The following LMNTD1 variants were observed in gnomAD, a reference collection of about 807,000 sequenced individuals.
The protein encoded by LMNTD1 is lamin tail domain containing 1.
LMNTD1 carries 35 observed loss-of-function variants against 50.9 expected under a neutral mutation model. The observed-to-expected ratio is 0.69, with a 90% confidence interval of 0.53 to 0.91. The LOEUF is 0.91. Among genes scored for constraint, LMNTD1 ranks in the 40% least tolerant of loss-of-function variants. The pLI is 0.00. For synonymous variants in LMNTD1, 153 were observed against 161.9 expected, an observed-to-expected ratio of 0.94 and a Z score of 0.42; for missense variants, 470 against 475.5, an observed-to-expected ratio of 0.99 and a Z score of 0.11.
chr12:25,643,243 A>G lies in LMNTD1; in HGVS notation c.58+5251T>C, dbSNP rs1467006512. On this transcript the variant is annotated intron_variant, in intron 1 of 7. Coordinates refer to the LMNTD1 transcript ENST00000445693. ...GGATGAGCAGGGGAAGCCTTTCTAA[A>G]CAGATGACAGTTGAGTTGAATCCTG... Among the ~76,000 whole-genome samples, 6 of 152,342 alleles carry G rather than the reference A, an allele frequency of 3.9e-5. No homozygotes were observed. In the East Asian group the frequency reaches 1.2e-3, roughly 29 times the overall value.
At chr12:25,495,213 C>G (rs1939017543) in intron 9 of LMNTD1, among the ~76,000 whole-genome samples, 1 of 149,620 alleles carries the variant, frequency 6.7e-6, no homozygotes, top group Admixed American at 6.7e-5. Context: ...TTCATATTTT[C>G]TTTTACTATT....
intron 8 of LMNTD1, among the ~76,000 whole-genome samples, chr12:25,505,760 G>A (rs1939722586): frequency 6.6e-6 from 1 of 151,916 alleles, no homozygotes; most frequent in Admixed American, 6.6e-5. Flanking sequence ...ACAGTAATGA[G>A]TTTTTTCTAT....
chr12:25,581,105 T>C (rs1488725283), intron 1 of LMNTD1, among the ~76,000 whole-genome samples: 1 of 152,218 alleles, frequency 6.6e-6, no homozygotes, highest in Non-Finnish European at 1.5e-5. Flanking sequence ...TTATATTTCC[T>C]GGAAGCATCC....
chr12:25,514,987 G>C (rs1031318301), intron 8 of LMNTD1, among the ~76,000 whole-genome samples: 4 of 152,022 alleles, frequency 2.6e-5, no homozygotes, highest in African/African-American at 9.7e-5. Context: ...ATTCTTCCTA[G>C]AGCAGTTGAG....
At chr12:25,483,241 A>G (rs1264935696) in intron 9 of LMNTD1, among the ~76,000 whole-genome samples, 1 of 151,524 alleles carries the variant, frequency 6.6e-6, no homozygotes, top group African/African-American at 2.4e-5. Context: ...CCTTGGCAAC[A>G]TGGCAAAACC....
chr12:25,615,446 T>C (rs779578078), intron 1 of LMNTD1, among the ~76,000 whole-genome samples: 8 of 150,866 alleles, frequency 5.3e-5, no homozygotes, highest in Non-Finnish European at 1.0e-4. Context: ...CCATATCCTT[T>C]TTTTAATTTT....
At chr12:25,491,605 T>C (rs1938886491) in intron 9 of LMNTD1, among the ~76,000 whole-genome samples, 1 of 152,254 alleles carries the variant, frequency 6.6e-6, no homozygotes, top group Non-Finnish European at 1.5e-5. Context: ...CAAGGCAATG[T>C]GGGCTGGACA....
In LMNTD1 at chr12:25,526,091, AAACT is replaced by A; in HGVS notation, c.798+4_798+7del. 1 of 1,560,638 alleles carries A rather than the reference AAACT, an allele frequency of 6.4e-7. No homozygotes were observed. ...AAAAAAAACGATTGTTAAGAACCAG[AAACT>A]AACTTGACCGTTCGGTTTGCACAGG... is the stretch of plus-strand genomic sequence containing the variant. On this transcript the variant is annotated splice_donor_5th_base_variant and intron_variant, in intron 6 of 9. Coordinates refer to ENST00000458174, the MANE Select transcript of LMNTD1 (RefSeq NM_001145728.2).
chr12:25,489,226 A>G (rs192530399), intron 9 of LMNTD1, among the ~76,000 whole-genome samples: 6 of 149,552 alleles, frequency 4.0e-5, no homozygotes, highest in African/African-American at 1.2e-4. Flanking sequence ...CCTCCCCCAG[A>G]CTCGCTGCTG....
chr12:25,631,736 A>G (rs1327245622), intron 1 of LMNTD1, among the ~76,000 whole-genome samples: 5 of 152,150 alleles, frequency 3.3e-5, no homozygotes, highest in Non-Finnish European at 2.9e-5. Flanking sequence ...TGACAAAACA[A>G]GGCCCTTTGA....
At chr12:25,564,448 A>G (rs1446935982) in intron 1 of LMNTD1, among the ~76,000 whole-genome samples, 2 of 152,146 alleles carry the variant, frequency 1.3e-5, no homozygotes, top group African/African-American at 2.4e-5. Flanking sequence ...TAGTAGAGAC[A>G]TGGTTTCACC....
At chr12:25,623,787 T>C (rs1253181742) in intron 1 of LMNTD1, among the ~76,000 whole-genome samples, 1 of 152,130 alleles carries the variant, frequency 6.6e-6, no homozygotes, top group Non-Finnish European at 1.5e-5. Flanking sequence ...CCCCTGGACA[T>C]GCCTTCCTGC....
intron 8 of LMNTD1, among the ~76,000 whole-genome samples, chr12:25,518,487 A>G (rs1161950656): frequency 1.3e-5 from 1 of 74,560 alleles, no homozygotes; most frequent in Non-Finnish European, 3.7e-5. Context: ...TGATGAAAAA[A>G]CAAAAAGTGT....
chr12:25,621,384 C>T (rs1946470619), intron 1 of LMNTD1, among the ~76,000 whole-genome samples: 1 of 151,936 alleles, frequency 6.6e-6, no homozygotes, highest in Non-Finnish European at 1.5e-5. Flanking sequence ...GCCACTGCAC[C>T]CAGCCACGTA....
At chr12:25,503,907 C>A in intron 8 of LMNTD1, 107 bp from the exon 9 acceptor site, 1 of 586,740 alleles carries the variant, frequency 1.7e-6, no homozygotes, top group Non-Finnish European at 2.9e-6. Flanking sequence ...AAAACAAATC[C>A]TGGAATAAGC....
chr12:25,544,613 G>A (rs1394736422), intron 4 of LMNTD1, among the ~76,000 whole-genome samples: 1 of 151,618 alleles, frequency 6.6e-6, no homozygotes, highest in African/African-American at 2.4e-5. Flanking sequence ...TTTATAATTT[G>A]TCTCTTCCTT....
intron 9 of LMNTD1, among the ~76,000 whole-genome samples, chr12:25,494,440 T>C (rs867159523): frequency 1.6e-4 from 25 of 152,154 alleles, no homozygotes; most frequent in Admixed American, 6.5e-4. Flanking sequence ...AGGCTGATAA[T>C]CTTATGGCAT....
intron 1 of LMNTD1, among the ~76,000 whole-genome samples, chr12:25,559,796 GTGA>G (rs1344380216): frequency 2.0e-5 from 3 of 152,224 alleles, no homozygotes; most frequent in Admixed American, 1.3e-4. Flanking sequence ...CTGATGGCCA[GTGA>G]TGATGAACAT....
chr12:25,537,907 C>T (rs1245287958), intron 4 of LMNTD1, among the ~76,000 whole-genome samples: 4 of 146,544 alleles, frequency 2.7e-5, no homozygotes, highest in Non-Finnish European at 4.6e-5. Context: ...AACCAAGGCT[C>T]GAGAACTACG....
Sources: allele counts gnomAD v4.1 joint callset (sites outside exome capture counted in the v4.1 genomes callset), GRCh38; gene constraint gnomAD v4.1.1; transcripts MANE v1.5; gene names NCBI Gene and HGNC (gene_info 2026-07-23, HGNC 2026-07-21).